ACOT7: variants seen among roughly 807,000 people sequenced by gnomAD.
ACOT7 encodes the protein acyl-CoA thioesterase 7.
A neutral mutation model predicts 40.2 loss-of-function variants in ACOT7; 12 were observed. The observed-to-expected ratio is 0.30, with a 90% CI of 0.19 to 0.48. The LOEUF is 0.48. Ranked by LOEUF, ACOT7 falls within the 20% of genes least tolerant of loss-of-function variation. ACOT7 has a pLI of 0.99. For missense variants in ACOT7, 395 were observed against 530.8 expected, an observed-to-expected ratio of 0.74 and a Z score of 2.51; for synonymous variants, 228 against 219.5, an observed-to-expected ratio of 1.04 and a Z score of -0.34.
rs191469282 is a variant in ACOT7 at position 6,317,644 on chromosome 1, C to T, written c.712+848G>A. 3.0e-3 allele frequency among the ~76,000 whole-genome samples: 452 copies of T among 152,254 alleles called. 2 individuals are homozygous for T. The highest frequency in any genetic ancestry group is 9.7e-3 in the African/African-American group (402 of 41,546). ...TAAACATCTCACAGCTATCAGATCC[C>T]GGGGCTGCATGTGAGCCTCCCCAGG... On this transcript the variant is annotated intron_variant, in intron 6 of 8. Coordinates refer to ENST00000361521, the MANE Select transcript of ACOT7 (RefSeq NM_007274.4).
chr1:6,277,518 G>A (rs1002495138), intron 8 of ACOT7, among the ~76,000 whole-genome samples: 5 of 152,202 alleles, frequency 3.3e-5, no homozygotes, highest in Non-Finnish European at 7.4e-5. Flanking sequence ...ACTCCCACCA[G>A]CCCTCTCTCC....
intron 7 of ACOT7, among the ~76,000 whole-genome samples, chr1:6,292,057 A>G (rs1639681069): frequency 1.3e-5 from 2 of 152,206 alleles, no homozygotes; most frequent in Admixed American, 1.3e-4. Context: ...TCTGGAAAAC[A>G]ACACACGAGT....
chr1:6,325,187 A>G (rs1045673463), intron 5 of ACOT7, among the ~76,000 whole-genome samples: 1 of 152,242 alleles, frequency 6.6e-6, no homozygotes, highest in Non-Finnish European at 1.5e-5. Context: ...TCACGAGGTC[A>G]GGAGATCGAG....
chr1:6,338,591 T>C lies in ACOT7; in HGVS notation c.418+842A>G, dbSNP rs1334948492. Reference sequence around the variant, plus strand: ...CCCTGCTGAGGTCCTCAGAATGTTCTAGATGCATAATCGTGCTTGCTACCG... The same window carrying C: ...CCCTGCTGAGGTCCTCAGAATGTTCCAGATGCATAATCGTGCTTGCTACCG... On this transcript the variant is annotated intron_variant, in intron 3 of 8. Transcript: ENST00000361521. This position sits in a 1 kb window ranked among gnomAD's most constrained non-coding sequence, Gnocchi z 4.4. 2.0e-5 allele frequency among the ~76,000 whole-genome samples: 3 copies of C among 152,194 alleles called. No homozygotes were observed.
intron 5 of ACOT7, among the ~76,000 whole-genome samples, chr1:6,323,733 AAAAAATATATATATATATATATATAT>A (rs1224402389): frequency 1.3e-5 from 1 of 76,918 alleles, no homozygotes; most frequent in African/African-American, 5.6e-5. Flanking sequence ...AAAAAAAAAA[AAAAAATATATATATATATATATATAT>A]ATATATATAT....
chr1:6,359,592 C>T lies in ACOT7; in HGVS notation c.144-9726G>A, dbSNP rs537962280. Among the ~76,000 whole-genome samples the T allele has an allele frequency of 2.8e-4, 42 of 152,188 alleles. No homozygotes were observed. Among genetic ancestry groups the T allele is most frequent in the Non-Finnish European group, 5.7e-4 (39 of 68,030 alleles). ...CTGCCACCTGTGGGCCCTGTGCCCC[C>T]CAACCCGTACTCTCTTCACTCCGCC... On this transcript the variant is annotated intron_variant, in intron 1 of 8. Coordinates refer to ENST00000361521, the MANE Select transcript of ACOT7 (RefSeq NM_007274.4). The surrounding 1 kb of genome is among the most constrained non-coding windows in gnomAD (Gnocchi z 4.1).
At chr1:6,334,514 G>A (rs1641047153) in intron 3 of ACOT7, among the ~76,000 whole-genome samples, 1 of 152,268 alleles carries the variant, frequency 6.6e-6, no homozygotes, top group African/African-American at 2.4e-5. Context: ...AGCTCATCAA[G>A]CTCCATTTTT....
intron 1 of ACOT7, among the ~76,000 whole-genome samples, chr1:6,384,509 G>C (rs1185227597): frequency 2.0e-5 from 3 of 151,626 alleles, no homozygotes; most frequent in Non-Finnish European, 4.4e-5. Flanking sequence ...ATTCCTAGGC[G>C]AGCTGTTTTT....
Position 6,275,690 on chromosome 1 carries a change from T to C in ACOT7, c.1014+5412A>G, listed in dbSNP as rs547763655. Among the ~76,000 whole-genome samples, 62 of 141,184 alleles carry C rather than the reference T, an allele frequency of 4.4e-4. No individual in the cohort carries two copies. The highest frequency in any genetic ancestry group is 1.5e-3 in the African/African-American group (56 of 36,942). The allele number at this position is 141,184 out of a possible 152,430, so 92.6% of individuals were successfully genotyped here. A position where few individuals can be genotyped will look rare whatever the true frequency, so the allele number is the denominator to read the frequency against. On this transcript the variant is annotated intron_variant, in intron 8 of 8. Transcript: ENST00000361521. This position sits in a 1 kb window ranked among gnomAD's most constrained non-coding sequence, Gnocchi z 5.6. ...CGAGATCCAGCCATTGCACTCCAGGTTGGGCGACAGAGTGAGGCTCCGTCT... is the reference window on the plus strand; with the variant it reads ...CGAGATCCAGCCATTGCACTCCAGGCTGGGCGACAGAGTGAGGCTCCGTCT...
At chr1:6,297,544 C>T (rs1036595099) in intron 6 of ACOT7, among the ~76,000 whole-genome samples, 4 of 152,336 alleles carry the variant, frequency 2.6e-5, no homozygotes, top group African/African-American at 2.4e-5. Flanking sequence ...TCCTACCTAG[C>T]GCCCCCCATG....
chr1:6,290,324 T>C (rs528946136), intron 7 of ACOT7, among the ~76,000 whole-genome samples: 1 of 152,348 alleles, frequency 6.6e-6, no homozygotes, highest in African/African-American at 2.4e-5. Flanking sequence ...AGGAAACTCA[T>C]GGAGGCCACA....
chr1:6,305,673 C>T (rs1571290971), intron 6 of ACOT7, among the ~76,000 whole-genome samples: 1 of 149,476 alleles, frequency 6.7e-6, no homozygotes, highest in East Asian at 2.0e-4. Flanking sequence ...GATGGGATGG[C>T]GGCCGGGCAG....
chr1:6,360,871 C>T, intron 1 of ACOT7: 1 of 500,732 alleles, frequency 2.0e-6, no homozygotes, highest in Non-Finnish European at 2.6e-6. Context: ...GCTTCCACAG[C>T]AACACAGATT....
At chr1:6,347,633 T>G (rs751202314) in intron 2 of ACOT7, among the ~76,000 whole-genome samples, 1 of 151,930 alleles carries the variant, frequency 6.6e-6, no homozygotes, top group Non-Finnish European at 1.5e-5. Context: ...CAGGTGTGGT[T>G]GTACACACCT....
intron 6 of ACOT7, among the ~76,000 whole-genome samples, chr1:6,312,273 G>T (rs191537509): frequency 1.3e-5 from 2 of 152,130 alleles, no homozygotes; most frequent in Non-Finnish European, 2.9e-5. Flanking sequence ...CCTACTATTC[G>T]ACAGCACAAC....
intron 6 of ACOT7, among the ~76,000 whole-genome samples, chr1:6,309,048 C>T (rs1340136523): frequency 1.3e-5 from 2 of 152,250 alleles, no homozygotes; most frequent in Non-Finnish European, 2.9e-5. Flanking sequence ...TTCGCCCTGT[C>T]GGCTTTCATT....
chr1:6,311,382 G>A lies in ACOT7; in HGVS notation c.712+7110C>T, dbSNP rs1256371098. 2.6e-5 allele frequency among the ~76,000 whole-genome samples: 4 copies of A among 152,204 alleles called. No individual in the cohort carries two copies. Among genetic ancestry groups the A allele is most frequent in the Non-Finnish European group, 5.9e-5 (4 of 68,024 alleles). On this transcript the variant is annotated intron_variant, in intron 6 of 8. Transcript: ENST00000361521. This position sits in a 1 kb window ranked among gnomAD's most constrained non-coding sequence, Gnocchi z 5.2. Reference sequence around the variant, plus strand: ...ATCATCCCATGGACGAGGGCCCCATGAGGGCCACATCTAGGCTGAAATGAG... The same window carrying A: ...ATCATCCCATGGACGAGGGCCCCATAAGGGCCACATCTAGGCTGAAATGAG...
chr1:6,277,739 C>A (rs72854310), intron 8 of ACOT7, among the ~76,000 whole-genome samples: 3,323 of 152,296 alleles, frequency 0.022, 127 homozygotes, highest in African/African-American at 0.075. Flanking sequence ...ACCTGTCCCC[C>A]GGCACACTCC....
intron 6 of ACOT7, among the ~76,000 whole-genome samples, chr1:6,295,736 G>A (rs756763268): frequency 2.0e-5 from 3 of 152,226 alleles, no homozygotes; most frequent in Non-Finnish European, 4.4e-5. Flanking sequence ...CATGGGGACA[G>A]AGGGTAGATT....
Sources: allele counts gnomAD v4.1 joint callset (sites outside exome capture counted in the v4.1 genomes callset), GRCh38; gene constraint gnomAD v4.1.1; non-coding constraint Gnocchi (gnomAD v3.1); transcripts MANE v1.5; gene names NCBI Gene and HGNC (gene_info 2026-07-23, HGNC 2026-07-21).